Variants in TTC28 observed in about 807,000 individuals in gnomAD.
TTC28 encodes tetratricopeptide repeat domain 28, also known as tetratricopeptide repeat protein 28.
TTC28 carries 61 observed loss-of-function variants against 198.0 expected under a neutral mutation model. The ratio of observed to expected loss-of-function variants is 0.31; its 90% confidence interval spans 0.25 to 0.38. The LOEUF (loss-of-function observed/expected upper bound fraction) is 0.38, where lower values mean the gene tolerates loss of function less well. Ranked by LOEUF, TTC28 falls within the 10% of genes least tolerant of loss-of-function variation. The probability of loss-of-function intolerance (pLI) is 1.00; values close to 1 mark genes in which losing one functional copy is unlikely to be tolerated. For synonymous variants in TTC28, 1,171 were observed against 1,297.8 expected, an observed-to-expected ratio of 0.90 and a Z score of 2.10; for missense variants, 2,678 against 3,164.0, an observed-to-expected ratio of 0.85 and a Z score of 3.69.
At chr22:28,478,695 C>T (rs1555881870) in intron 2 of TTC28, among the ~76,000 whole-genome samples, 1 of 152,068 alleles carries the variant, frequency 6.6e-6, no homozygotes, top group Non-Finnish European at 1.5e-5. Context: ...TGGTGATGAG[C>T]ATATATGTTT....
intron 11 of TTC28, among the ~76,000 whole-genome samples, chr22:28,095,943 T>A (rs904838265): frequency 9.8e-5 from 15 of 152,358 alleles, no homozygotes; most frequent in African/African-American, 3.4e-4. Flanking sequence ...CTGCTTTTAG[T>A]CTTCCTTGAT....
intron 2 of TTC28, among the ~76,000 whole-genome samples, chr22:28,387,541 T>C (rs2046630473): frequency 1.3e-5 from 2 of 152,188 alleles, no homozygotes; most frequent in South Asian, 4.1e-4. Context: ...CCATTCTAAC[T>C]GGTGTGAGAT....
chr22:28,278,501 T>A (rs2044516321), intron 5 of TTC28, among the ~76,000 whole-genome samples: 1 of 152,228 alleles, frequency 6.6e-6, no homozygotes, highest in Non-Finnish European at 1.5e-5. Context: ...AGTCACTTGA[T>A]GATGGTCAAA....
intron 2 of TTC28, among the ~76,000 whole-genome samples, chr22:28,559,794 G>C (rs984261706): frequency 4.6e-5 from 7 of 152,182 alleles, no homozygotes; most frequent in African/African-American, 1.7e-4. Context: ...CCTAAATTCT[G>C]AATGTTGAAG....
intron 18 of TTC28, chr22:27,992,942 G>C: frequency 1.8e-6 from 1 of 558,018 alleles, no homozygotes; most frequent in Non-Finnish European, 3.2e-6. Flanking sequence ...CAAGCACCCA[G>C]CTTCACCCTG....
intron 2 of TTC28, among the ~76,000 whole-genome samples, chr22:28,561,022 G>A (rs1319136934): frequency 6.7e-6 from 1 of 148,474 alleles, no homozygotes; most frequent in Admixed American, 6.8e-5. Context: ...CTCCCAATGT[G>A]CTGGGATTAC....
intron 12 of TTC28, among the ~76,000 whole-genome samples, chr22:28,067,349 T>C (rs1940796221): frequency 6.6e-6 from 1 of 152,228 alleles, no homozygotes; most frequent in East Asian, 1.9e-4. Context: ...GCATGTAGTA[T>C]GCGTCTGACA....
At chr22:28,442,412 G>A (rs573424727) in intron 2 of TTC28, among the ~76,000 whole-genome samples, 1 of 152,234 alleles carries the variant, frequency 6.6e-6, no homozygotes, top group Non-Finnish European at 1.5e-5. Flanking sequence ...GGGGCTGCTC[G>A]CCCCCCAGCG....
intron 13 of TTC28, among the ~76,000 whole-genome samples, chr22:28,020,804 C>T (rs1278933367): frequency 2.0e-5 from 3 of 152,110 alleles, no homozygotes; most frequent in Non-Finnish European, 4.4e-5. Context: ...CACACACACG[C>T]ACACACACAG....
At chr22:28,587,927 G>A (rs1292726093) in intron 2 of TTC28, among the ~76,000 whole-genome samples, 1 of 151,844 alleles carries the variant, frequency 6.6e-6, no homozygotes, top group Non-Finnish European at 1.5e-5. Flanking sequence ...GGGTCACGAG[G>A]TCAGGAGATC....
At chr22:28,605,924 A>C (rs548329697) in intron 2 of TTC28, among the ~76,000 whole-genome samples, 2 of 152,318 alleles carry the variant, frequency 1.3e-5, no homozygotes, top group East Asian at 3.9e-4. Context: ...AAAATGTGTA[A>C]TTCAAAATGC....
chr22:28,547,704 G>A (rs1378317795), intron 2 of TTC28, among the ~76,000 whole-genome samples: 1 of 151,200 alleles, frequency 6.6e-6, no homozygotes, highest in Non-Finnish European at 1.5e-5. Context: ...TCCATAGTCA[G>A]ACTCTTAATG....
chr22:28,512,740 C>T (rs2048707535), intron 2 of TTC28, among the ~76,000 whole-genome samples: 1 of 152,114 alleles, frequency 6.6e-6, no homozygotes, highest in Admixed American at 6.6e-5. Flanking sequence ...TACATGGACA[C>T]ACGGTGGGGA....
rs1213990091 is a variant in TTC28, at chr22:28,657,116, G to A, written c.102+22506C>T. Among the ~76,000 whole-genome samples, 3 of 152,090 alleles carry A rather than the reference G, an allele frequency of 2.0e-5. 1 individual carries two copies. The highest frequency in any genetic ancestry group is 1.3e-4 in the Admixed American group (2 of 15,266). On this transcript the variant is annotated intron_variant, in intron 1 of 22. Coordinates refer to ENST00000397906, the MANE Select transcript of TTC28 (RefSeq NM_001145418.2). ...AGCTAGTATTCCCACTTTATACGTG[G>A]GACAATAAGGTGCAGAAAAGTTAAA...
intron 12 of TTC28, among the ~76,000 whole-genome samples, chr22:28,086,805 G>A (rs1340427569): frequency 6.6e-6 from 1 of 152,030 alleles, no homozygotes; most frequent in Non-Finnish European, 1.5e-5. Flanking sequence ...TCAAATAGAT[G>A]CAATAAAAAA....
At chr22:28,290,697 A>G (rs2044771715) in intron 5 of TTC28, among the ~76,000 whole-genome samples, 1 of 152,266 alleles carries the variant, frequency 6.6e-6, no homozygotes, top group African/African-American at 2.4e-5. Flanking sequence ...GAATTGCTTG[A>G]GCCAGGACTT....
intron 2 of TTC28, among the ~76,000 whole-genome samples, chr22:28,552,497 A>G (rs1257933709): frequency 6.6e-6 from 1 of 152,218 alleles, no homozygotes; most frequent in African/African-American, 2.4e-5. Context: ...GGCCATAGTC[A>G]CCAAAACAGC....
chr22:28,083,782 C>T (rs535951876), intron 12 of TTC28, among the ~76,000 whole-genome samples: 12 of 152,210 alleles, frequency 7.9e-5, no homozygotes, highest in Admixed American at 2.0e-4. Flanking sequence ...GGGTGACAGA[C>T]GGCACCTGGA....
chr22:28,265,488 C>T (rs760933438), intron 5 of TTC28, among the ~76,000 whole-genome samples: 5 of 152,094 alleles, frequency 3.3e-5, no homozygotes, highest in African/African-American at 7.2e-5. Context: ...CTTGTATCTG[C>T]GGCTGACTAT....
Sources: allele counts gnomAD v4.1 joint callset (sites outside exome capture counted in the v4.1 genomes callset), GRCh38; gene constraint gnomAD v4.1.1; transcripts MANE v1.5; gene names NCBI Gene and HGNC (gene_info 2026-07-23, HGNC 2026-07-21).